MYT1L: variants seen among roughly 807,000 people sequenced by gnomAD.
The protein encoded by MYT1L is myelin transcription factor 1-like protein.
In MYT1L, 12 loss-of-function variants were observed where a neutral mutation model predicts 126.7. The ratio of observed to expected loss-of-function variants is 0.09; its 90% confidence interval spans 0.06 to 0.15. The LOEUF is 0.15. Ranked by LOEUF, MYT1L falls within the 10% of genes least tolerant of loss-of-function variation. MYT1L has a pLI of 1.00. For missense variants in MYT1L, 979 were observed against 1,585.2 expected, an observed-to-expected ratio of 0.62 and a Z score of 6.49; for synonymous variants, 541 against 604.2, an observed-to-expected ratio of 0.90 and a Z score of 1.53.
chr2:1,887,285 C>T lies in MYT1L; in HGVS notation c.2642+203G>A, dbSNP rs530959233. Among the ~76,000 whole-genome samples the T allele has an allele frequency of 4.9e-4, 75 of 152,250 alleles. No homozygotes were observed. The highest frequency in any genetic ancestry group is 1.6e-3 in the African/African-American group (65 of 41,546). On this transcript the variant is annotated intron_variant, in intron 17 of 24. Transcript: ENST00000647738. This position sits in a 1 kb window ranked among gnomAD's most constrained non-coding sequence, Gnocchi z 4.8. ...AAATGCACGGGTTAAATGAAAATGA[C>T]GCCCCCATCCGACAGAGCGTCACTG... is the stretch of plus-strand genomic sequence containing the variant.
chr2:1,872,240 C>T (rs1195921741), intron 18 of MYT1L, among the ~76,000 whole-genome samples: 2 of 152,182 alleles, frequency 1.3e-5, no homozygotes, highest in South Asian at 2.1e-4. Flanking sequence ...AGTCATCCAC[C>T]AGGGCATGAA....
intron 8 of MYT1L, among the ~76,000 whole-genome samples, chr2:1,968,746 T>G (rs989484366): frequency 6.6e-6 from 1 of 152,172 alleles, no homozygotes; most frequent in Non-Finnish European, 1.5e-5. Context: ...GCCTTTGTGG[T>G]TGGCTCCTCA....
chr2:2,271,771 A>G (rs575109274), intron 2 of MYT1L, among the ~76,000 whole-genome samples: 1 of 152,198 alleles, frequency 6.6e-6, no homozygotes, highest in Non-Finnish European at 1.5e-5. Context: ...TCTCACAAAA[A>G]TGCCAGCTCC....
intron 8 of MYT1L, among the ~76,000 whole-genome samples, chr2:1,966,164 T>C (rs994476163): frequency 1.3e-5 from 2 of 152,230 alleles, no homozygotes; most frequent in African/African-American, 2.4e-5. Flanking sequence ...TTTATTCAGC[T>C]ATGGCAAAAA....
chr2:1,873,459 G>C (rs1215870814), intron 18 of MYT1L, among the ~76,000 whole-genome samples: 3 of 152,182 alleles, frequency 2.0e-5, no homozygotes, highest in South Asian at 4.1e-4. Context: ...GAGGCCACAA[G>C]TCACTGCCAT....
At chr2:1,899,315 G>A (rs2050041898) in intron 14 of MYT1L, among the ~76,000 whole-genome samples, 1 of 152,268 alleles carries the variant, frequency 6.6e-6, no homozygotes, top group South Asian at 2.1e-4. Flanking sequence ...CCTATGCATG[G>A]CATGGAAACA....
intron 3 of MYT1L, among the ~76,000 whole-genome samples, chr2:2,168,141 G>A (rs1234590553): frequency 6.6e-6 from 1 of 152,142 alleles, no homozygotes; most frequent in Non-Finnish European, 1.5e-5. Context: ...AGACCTATGA[G>A]GCACATGTAG....
chr2:2,217,669 TCAACAACAA>T (rs201935161), intron 2 of MYT1L, among the ~76,000 whole-genome samples: 2 of 92,210 alleles, frequency 2.2e-5, no homozygotes, highest in Middle Eastern at 6.9e-3. Context: ...AAACTCCATC[TCAACAACAA>T]CAACAACAAC....
rs537646414 is a variant in MYT1L at position 1,848,817 on chromosome 2, G to T, written c.2774+2824C>A. 3.9e-5 allele frequency among the ~76,000 whole-genome samples: 6 copies of T among 152,230 alleles called. No individual in the cohort carries two copies. The South Asian group carries it at 1.0e-3, about 26-fold the overall frequency. ...ACTGTCACGTGGAGGCAACACTTCTGCTGAGCAACGTGCCCAGCCCCGCTT... is the reference window on the plus strand; with the variant it reads ...ACTGTCACGTGGAGGCAACACTTCTTCTGAGCAACGTGCCCAGCCCCGCTT... On this transcript the variant is annotated intron_variant, in intron 19 of 24. Coordinates refer to ENST00000647738, the MANE Select transcript of MYT1L (RefSeq NM_001303052.2). The surrounding 1 kb of genome is among the most constrained non-coding windows in gnomAD (Gnocchi z 4.8).
chr2:2,320,336 C>T lies in MYT1L; in HGVS notation c.-521+10631G>A, dbSNP rs73912016. 4.3e-3 allele frequency among the ~76,000 whole-genome samples: 655 copies of T among 151,978 alleles called. 6 individuals are homozygous for T. Among genetic ancestry groups the T allele is most frequent in the African/African-American group, 0.015 (613 of 41,444 alleles). On this transcript the variant is annotated intron_variant, in intron 1 of 24. Coordinates refer to ENST00000647738, the MANE Select transcript of MYT1L (RefSeq NM_001303052.2). ...ACTTTCTTTAGTGTGCTTTGTCTTG[C>T]GAAAGTGCTCATACAGTAAGAGGAT...
At position 1,922,367 on chromosome 2, in the gene MYT1L, G is replaced by C; in HGVS notation, c.1402C>G (p.Gln468Glu). 6.2e-7 allele frequency: 1 copy of C among 1,613,958 alleles called. No individual in the cohort carries two copies. The highest frequency in any genetic ancestry group is 1.7e-5 in the Admixed American group (1 of 60,020). The change falls in exon 10 of 25, where the codon CAG becomes GAG. Residue 468 changes from glutamine to glutamate, a missense_variant. Around this residue, in one of 12 missense-constraint regions of MYT1L, gnomAD observed 67 missense variants for 80.3 expected, o/e 0.83. Coordinates refer to ENST00000647738, the MANE Select transcript of MYT1L (RefSeq NM_001303052.2). This position sits in a 1 kb window ranked among gnomAD's most constrained non-coding sequence, Gnocchi z 7.4. ...RRDNMRSYED[Q>E]SPRQLPGEDR... Reference sequence around the variant, plus strand: ...TCCCCGGGAAGTTGTCTCGGAGACTGGTCCTCATATGACCTCATATTGTCC... The same window carrying C: ...TCCCCGGGAAGTTGTCTCGGAGACTCGTCCTCATATGACCTCATATTGTCC...
intron 13 of MYT1L, among the ~76,000 whole-genome samples, chr2:1,909,222 A>T (rs1193835232): frequency 2.0e-5 from 3 of 152,204 alleles, no homozygotes; most frequent in African/African-American, 7.2e-5. Context: ...CCTGGGCTCA[A>T]ATCAATCCTC....
At chr2:1,899,299 C>T (rs541247961) in intron 14 of MYT1L, among the ~76,000 whole-genome samples, 2 of 152,388 alleles carry the variant, frequency 1.3e-5, no homozygotes, top group African/African-American at 2.4e-5. Flanking sequence ...CAGGTGCCAA[C>T]GGCACCCTAT....
chr2:1,834,320 C>T (rs527996208), intron 21 of MYT1L, among the ~76,000 whole-genome samples: 1 of 152,238 alleles, frequency 6.6e-6, no homozygotes, highest in South Asian at 2.1e-4. Context: ...GCCAGGGCTT[C>T]CAAGGAAAGA....
At chr2:1,975,707 T>C (rs546215447) in intron 8 of MYT1L, among the ~76,000 whole-genome samples, 1 of 152,240 alleles carries the variant, frequency 6.6e-6, no homozygotes, top group South Asian at 2.1e-4. Context: ...CTACTAAAAA[T>C]ACAAAAATTA....
intron 4 of MYT1L, among the ~76,000 whole-genome samples, chr2:2,004,771 C>A (rs2062992091): frequency 6.7e-6 from 1 of 149,370 alleles, no homozygotes; most frequent in South Asian, 2.1e-4. Flanking sequence ...TGAATACGTT[C>A]TTTCCTGCAG....
chr2:1,819,822 A>G (rs2038244577), intron 21 of MYT1L, among the ~76,000 whole-genome samples: 1 of 152,222 alleles, frequency 6.6e-6, no homozygotes, highest in Non-Finnish European at 1.5e-5. Flanking sequence ...TCTGGGTGCA[A>G]CCAAGGGGCA....
intron 8 of MYT1L, among the ~76,000 whole-genome samples, chr2:1,966,945 T>C (rs1436373283): frequency 6.6e-6 from 1 of 152,200 alleles, no homozygotes; most frequent in African/African-American, 2.4e-5. Flanking sequence ...TTATTTTTTT[T>C]CTCACTTTTT....
chr2:1,858,621 G>A (rs1417978342), intron 18 of MYT1L, among the ~76,000 whole-genome samples: 1 of 152,090 alleles, frequency 6.6e-6, no homozygotes, highest in Non-Finnish European at 1.5e-5. Context: ...CAACCCCCCA[G>A]GGATGCTGGG....
Sources: gnomAD v4.1 joint callset for allele counts (sites outside exome capture counted in the v4.1 genomes callset) on GRCh38, gnomAD v4.1.1 for gene constraint, gnomAD v4.1.1 regional missense constraint, Gnocchi (gnomAD v3.1) non-coding constraint, MANE v1.5 for transcripts, NCBI Gene and HGNC (gene_info 2026-07-23, HGNC 2026-07-21) for gene names.